ERBB4: variants seen among roughly 807,000 people sequenced by gnomAD.
ERBB4 encodes the protein receptor tyrosine-protein kinase erbB-4.
Under a neutral mutation model 158.0 loss-of-function variants are expected in ERBB4, and 42 were observed. The observed-to-expected ratio is 0.27, with a 90% confidence interval of 0.21 to 0.34. The LOEUF (loss-of-function observed/expected upper bound fraction) is 0.34. Among genes scored for constraint, ERBB4 ranks in the 10% least tolerant of loss-of-function variants. The pLI is 1.00. For synonymous variants in ERBB4, 583 were observed against 558.7 expected (o/e 1.04, Z -0.61); for missense variants, 1,333 against 1,624.1 (o/e 0.82, Z 3.08).
chr2:211,388,733 G>A (rs918293477), intron 25 of ERBB4, among the ~76,000 whole-genome samples: 5 of 151,886 alleles, frequency 3.3e-5, no homozygotes, highest in African/African-American at 7.3e-5. Flanking sequence ...ATAGCTTAAC[G>A]CTCCATCCTA....
chr2:212,520,357 G>A (rs895542437), intron 1 of ERBB4, among the ~76,000 whole-genome samples: 2 of 151,940 alleles, frequency 1.3e-5, no homozygotes, highest in African/African-American at 4.8e-5. Context: ...CATTTAAAAT[G>A]TATAAGGTTA....
At chr2:212,054,973 C>A (rs2077510276) in intron 2 of ERBB4, among the ~76,000 whole-genome samples, 1 of 152,032 alleles carries the variant, frequency 6.6e-6, no homozygotes, top group South Asian at 2.1e-4. Context: ...GGGTGCAGCC[C>A]ACTGAGCGAG....
At chr2:211,741,133 G>A (rs1162323508) in intron 5 of ERBB4, among the ~76,000 whole-genome samples, 1 of 152,052 alleles carries the variant, frequency 6.6e-6, no homozygotes, top group Non-Finnish European at 1.5e-5. Flanking sequence ...TCAGAAGCAT[G>A]TCACATGTAG....
intron 5 of ERBB4, among the ~76,000 whole-genome samples, chr2:211,741,828 T>C (rs2074810577): frequency 6.6e-6 from 1 of 152,228 alleles, no homozygotes; most frequent in South Asian, 2.1e-4. Context: ...TTTAAATCTT[T>C]GAGAAAAGTC....
In ERBB4 at chr2:211,980,071, T is replaced by C. The variant is rs142601355; in HGVS notation, c.235-32455A>G. Among the ~76,000 whole-genome samples, 65 of 152,292 alleles carry C rather than the reference T, an allele frequency of 4.3e-4. No homozygotes were observed. In the East Asian group the frequency reaches 0.01, roughly 24 times the overall value. On this transcript the variant is annotated intron_variant, in intron 2 of 27. Transcript: ENST00000342788. ...TTATTTTGAAGACACTAAGATATAA[T>C]GAGGTCATTTTAAAACATAAGTAAA... is the stretch of plus-strand genomic sequence containing the variant.
At chr2:211,403,065 A>G (rs1424263107) in intron 25 of ERBB4, among the ~76,000 whole-genome samples, 4 of 151,994 alleles carry the variant, frequency 2.6e-5, no homozygotes, top group Non-Finnish European at 5.9e-5. Flanking sequence ...TAAAATTTTC[A>G]TTTTTGTGTT....
At chr2:211,559,970 G>A (rs1182234478) in intron 20 of ERBB4, among the ~76,000 whole-genome samples, 4 of 152,168 alleles carry the variant, frequency 2.6e-5, no homozygotes, top group Admixed American at 6.6e-5. Context: ...CCAGAGAAGG[G>A]TTGACTAGGA....
intron 2 of ERBB4, among the ~76,000 whole-genome samples, chr2:212,123,569 C>A (rs1199709055): frequency 1.1e-4 from 17 of 152,142 alleles, no homozygotes; most frequent in Non-Finnish European, 5.9e-5. Context: ...AGAAACAGAG[C>A]TCTATCAATC....
intron 1 of ERBB4, among the ~76,000 whole-genome samples, chr2:212,329,095 A>G (rs1011847826): frequency 6.6e-6 from 1 of 152,084 alleles, no homozygotes; most frequent in Admixed American, 6.6e-5. Flanking sequence ...AAACCACTTC[A>G]GTTTACTGAG....
chr2:211,638,845 C>A (rs2070459615), intron 16 of ERBB4, among the ~76,000 whole-genome samples: 1 of 152,134 alleles, frequency 6.6e-6, no homozygotes, highest in South Asian at 2.1e-4. Context: ...CCTTCCTTCT[C>A]TTTACAGGCA....
chr2:212,450,304 A>C (rs1030063745), intron 1 of ERBB4, among the ~76,000 whole-genome samples: 2 of 152,192 alleles, frequency 1.3e-5, no homozygotes. Flanking sequence ...GGCAATAGGG[A>C]TTTTACAGAT....
At chr2:212,307,074 C>T (rs1456152566) in intron 1 of ERBB4, among the ~76,000 whole-genome samples, 1 of 151,200 alleles carries the variant, frequency 6.6e-6, no homozygotes, top group Non-Finnish European at 1.5e-5. Context: ...ATAAAAAGTA[C>T]ATCAAACTTG....
Position 211,406,782 on chromosome 2 carries a change from GA to G in ERBB4, c.3135+13658del, listed in dbSNP as rs554988671. Among the ~76,000 whole-genome samples the G allele has an allele frequency of 3.6e-3, 542 of 152,066 alleles. 4 individuals carry two copies. Among genetic ancestry groups the G allele is most frequent in the African/African-American group, 0.013 (525 of 41,510 alleles). On this transcript the variant is annotated intron_variant, in intron 25 of 27. Coordinates refer to ENST00000342788, the MANE Select transcript of ERBB4 (RefSeq NM_005235.3). ...ACTAAAATAGTAGAAAAATAAAATA[GA>G]AAAAACTAAACTCAAGGCCAGGTGC...
chr2:211,857,169 GTGTGTGTT>G (rs2077891667), intron 3 of ERBB4, among the ~76,000 whole-genome samples: 3 of 151,336 alleles, frequency 2.0e-5, no homozygotes, highest in South Asian at 2.1e-4. Context: ...TTGTGTGTGT[GTGTGTGTT>G]TGTGTGTCTT....
At chr2:211,629,647 C>T (rs554220598) in intron 17 of ERBB4, among the ~76,000 whole-genome samples, 3 of 152,240 alleles carry the variant, frequency 2.0e-5, no homozygotes, top group African/African-American at 4.8e-5. Context: ...CTTCAAACTA[C>T]ACTACAAGGC....
intron 5 of ERBB4, among the ~76,000 whole-genome samples, chr2:211,750,010 GA>G (rs535359463): frequency 4.3e-4 from 64 of 149,896 alleles, no homozygotes; most frequent in Middle Eastern, 3.4e-3. Flanking sequence ...TAAGAATGCT[GA>G]AAAAAAAATA....
chr2:212,251,234 T>C (rs922056909), intron 1 of ERBB4, among the ~76,000 whole-genome samples: 1 of 152,048 alleles, frequency 6.6e-6, no homozygotes, highest in Non-Finnish European at 1.5e-5. Flanking sequence ...AAAATGCTCT[T>C]ATTAGAAGCT....
At chr2:211,734,216 A>G (rs1344248605) in intron 5 of ERBB4, among the ~76,000 whole-genome samples, 2 of 152,212 alleles carry the variant, frequency 1.3e-5, no homozygotes, top group African/African-American at 2.4e-5. Flanking sequence ...TATTGATGAG[A>G]AAATTAAAAC....
intron 25 of ERBB4, among the ~76,000 whole-genome samples, chr2:211,411,192 C>A (rs2063252387): frequency 6.6e-6 from 1 of 152,180 alleles, no homozygotes; most frequent in Admixed American, 6.5e-5. Flanking sequence ...CAGGCGTGAG[C>A]CACCACGCCC....
Sources: allele counts gnomAD v4.1 joint callset (sites outside exome capture counted in the v4.1 genomes callset), GRCh38; gene constraint gnomAD v4.1.1; transcripts MANE v1.5; gene names NCBI Gene and HGNC (gene_info 2026-07-23, HGNC 2026-07-21).